CDKAL1: variants seen among roughly 807,000 people sequenced by gnomAD.
CDKAL1 encodes the protein threonylcarbamoyladenosine tRNA methylthiotransferase.
In CDKAL1, 32 loss-of-function variants were observed where a neutral mutation model predicts 68.2. That is an observed-to-expected ratio of 0.47 (90% CI 0.35 to 0.63). The LOEUF (loss-of-function observed/expected upper bound fraction) is 0.63, where lower values mean the gene tolerates loss of function less well. CDKAL1 is among the 30% of genes least tolerant of loss of function. CDKAL1 has a pLI of 0.00. For synonymous variants in CDKAL1, 234 were observed against 244.3 expected (o/e 0.96, Z 0.39); for missense variants, 606 against 696.7 (o/e 0.87, Z 1.47).
chr6:20,999,960 G>T (rs762067374), intron 10 of CDKAL1, among the ~76,000 whole-genome samples: 1 of 152,074 alleles, frequency 6.6e-6, no homozygotes, highest in Non-Finnish European at 1.5e-5. Flanking sequence ...TACTCTTTAG[G>T]CATTATGTGA....
At chr6:20,869,666 C>T (rs1372066433) in intron 9 of CDKAL1, among the ~76,000 whole-genome samples, 1 of 152,090 alleles carries the variant, frequency 6.6e-6, no homozygotes, top group Non-Finnish European at 1.5e-5. Context: ...ATTCTTAAAA[C>T]TTGCCAAATT....
At chr6:21,092,035 C>T (rs1196509047) in intron 12 of CDKAL1, among the ~76,000 whole-genome samples, 5 of 151,160 alleles carry the variant, frequency 3.3e-5, no homozygotes, top group Non-Finnish European at 5.9e-5. Context: ...TACAGGCGCC[C>T]GCCACTACGC....
intron 13 of CDKAL1, among the ~76,000 whole-genome samples, chr6:21,183,742 A>G (rs1777893649): frequency 6.6e-6 from 1 of 152,176 alleles, no homozygotes; most frequent in Non-Finnish European, 1.5e-5. Context: ...CTTGTCCTGC[A>G]CCTGCTGTTG....
chr6:20,686,671 CT>C (rs1393604793), intron 5 of CDKAL1, among the ~76,000 whole-genome samples: 3 of 152,280 alleles, frequency 2.0e-5, no homozygotes, highest in South Asian at 2.1e-4. Flanking sequence ...GAAAAATTAC[CT>C]TTCCCTCGTG....
chr6:21,168,057 T>C (rs1777223631), intron 13 of CDKAL1, among the ~76,000 whole-genome samples: 1 of 152,250 alleles, frequency 6.6e-6, no homozygotes, highest in Non-Finnish European at 1.5e-5. Flanking sequence ...GCATTTGAGA[T>C]ATCCTGCATG....
chr6:20,884,310 A>G (rs1303727760), intron 9 of CDKAL1, among the ~76,000 whole-genome samples: 1 of 152,130 alleles, frequency 6.6e-6, no homozygotes, highest in Non-Finnish European at 1.5e-5. Context: ...CAAACAAACA[A>G]ACAAAAACAC....
At chr6:20,997,504 C>T (rs1767182216) in intron 10 of CDKAL1, among the ~76,000 whole-genome samples, 1 of 135,056 alleles carries the variant, frequency 7.4e-6, no homozygotes, top group African/African-American at 2.9e-5. Flanking sequence ...AAGATAATTA[C>T]TAGTGGGAAG....
At chr6:21,146,217 T>G (rs1001884441) in intron 13 of CDKAL1, among the ~76,000 whole-genome samples, 4 of 152,172 alleles carry the variant, frequency 2.6e-5, no homozygotes, top group Admixed American at 6.5e-5. Context: ...AACACGTGCT[T>G]TCTGGGTCTT....
intron 4 of CDKAL1, among the ~76,000 whole-genome samples, chr6:20,605,127 T>G (rs1334137031): frequency 6.6e-6 from 1 of 152,214 alleles, no homozygotes; most frequent in Non-Finnish European, 1.5e-5. Context: ...TTTGATACAC[T>G]GCAGTCAAAG....
intron 14 of CDKAL1, among the ~76,000 whole-genome samples, chr6:21,198,519 T>C (rs1286061816): frequency 6.6e-6 from 1 of 152,210 alleles, no homozygotes; most frequent in Admixed American, 6.5e-5. Flanking sequence ...ACAGTTTTTT[T>C]AGTTGGTTGG....
chr6:20,951,486 A>G (rs1764521717), intron 9 of CDKAL1, among the ~76,000 whole-genome samples: 1 of 152,118 alleles, frequency 6.6e-6, no homozygotes, highest in African/African-American at 2.4e-5. Context: ...TGGCGCAGAG[A>G]TGGGAATCTA....
At chr6:20,682,410 C>G (rs1770419565) in intron 5 of CDKAL1, among the ~76,000 whole-genome samples, 1 of 152,044 alleles carries the variant, frequency 6.6e-6, no homozygotes, top group Admixed American at 6.5e-5. Context: ...GTTTAATTGA[C>G]CCAGGGTTCC....
chr6:20,956,111 A>G (rs1764763025), intron 10 of CDKAL1, among the ~76,000 whole-genome samples: 1 of 152,194 alleles, frequency 6.6e-6, no homozygotes, highest in African/African-American at 2.4e-5. Context: ...CTTGATTTGC[A>G]CATGCATTAC....
intron 2 of CDKAL1, among the ~76,000 whole-genome samples, chr6:20,544,146 C>T (rs939509336): frequency 3.9e-5 from 6 of 152,084 alleles, no homozygotes; most frequent in South Asian, 2.1e-4. Flanking sequence ...TGCTCCAGCA[C>T]GAATTGTTTA....
chr6:20,905,284 G>C (rs1436637129), intron 9 of CDKAL1, among the ~76,000 whole-genome samples: 3 of 152,118 alleles, frequency 2.0e-5, no homozygotes, highest in African/African-American at 7.2e-5. Flanking sequence ...TTTTAAAGCT[G>C]AAAAATACCG....
intron 13 of CDKAL1, among the ~76,000 whole-genome samples, chr6:21,136,848 A>G (rs947035695): frequency 1.2e-4 from 18 of 152,164 alleles, no homozygotes; most frequent in Non-Finnish European, 2.1e-4. Context: ...CCTTCATAGC[A>G]CTGAACTCTG....
At chr6:21,155,974 C>T (rs1406144403) in intron 13 of CDKAL1, among the ~76,000 whole-genome samples, 2 of 152,054 alleles carry the variant, frequency 1.3e-5, no homozygotes, top group African/African-American at 4.8e-5. Flanking sequence ...ATTCATATGG[C>T]ATAATGGTAG....
intron 5 of CDKAL1, among the ~76,000 whole-genome samples, chr6:20,691,950 A>G (rs943933178): frequency 6.6e-6 from 1 of 152,150 alleles, no homozygotes; most frequent in African/African-American, 2.4e-5. Context: ...ATTTATAAGC[A>G]AATATACATA....
intron 9 of CDKAL1, among the ~76,000 whole-genome samples, chr6:20,916,813 T>A (rs1021184045): frequency 5.9e-5 from 9 of 152,138 alleles, no homozygotes; most frequent in Non-Finnish European, 1.3e-4. Flanking sequence ...TATTACCAGT[T>A]CTTCCTTAAA....
Sources: gnomAD v4.1 joint callset for allele counts (sites outside exome capture counted in the v4.1 genomes callset) on GRCh38, gnomAD v4.1.1 for gene constraint, MANE v1.5 for transcripts, NCBI Gene and HGNC (gene_info 2026-07-23, HGNC 2026-07-21) for gene names.